Variants in SNX29 observed in about 807,000 individuals in gnomAD.
SNX29 encodes the protein sorting nexin-29.
In SNX29, 78 loss-of-function variants were observed where a neutral mutation model predicts 102.1. The observed-to-expected ratio is 0.76, with a 90% CI of 0.64 to 0.92. SNX29 has a LOEUF of 0.92. Ranked by LOEUF, SNX29 falls within the 40% of genes least tolerant of loss-of-function variation. The pLI is 0.00. For missense variants in SNX29, 1,280 were observed against 1,061.7 expected (o/e 1.21, Z -2.86); for synonymous variants, 580 against 414.5 (o/e 1.40, Z -4.85).
At chr16:12,210,443 C>T (rs892930327) in intron 14 of SNX29, among the ~76,000 whole-genome samples, 2 of 151,244 alleles carry the variant, frequency 1.3e-5, no homozygotes, top group Non-Finnish European at 2.9e-5. Flanking sequence ...TCCCTCCTGC[C>T]TCGGCCTCCT....
intron 11 of SNX29, among the ~76,000 whole-genome samples, chr16:12,085,944 T>C (rs1883122899): frequency 6.6e-6 from 1 of 151,960 alleles, no homozygotes; most frequent in East Asian, 1.9e-4. Flanking sequence ...TGTCTAGCTA[T>C]AGTAAGTGGT....
intron 16 of SNX29, among the ~76,000 whole-genome samples, chr16:12,365,797 C>T (rs1469501871): frequency 2.6e-5 from 4 of 151,636 alleles, no homozygotes; most frequent in Non-Finnish European, 5.9e-5. Context: ...AATCCCAGCA[C>T]TTTGGGAGGC....
chr16:12,407,152 A>T, intron 18 of SNX29, among the ~76,000 whole-genome samples: 1 of 139,422 alleles, frequency 7.2e-6, no homozygotes, highest in Non-Finnish European at 1.6e-5. Flanking sequence ...GAAAGGCCAC[A>T]TCCTGCGGGG....
intron 3 of SNX29, among the ~76,000 whole-genome samples, chr16:12,003,991 G>A (rs1211301654): frequency 3.9e-5 from 6 of 151,990 alleles, no homozygotes; most frequent in African/African-American, 1.2e-4. Context: ...AGCTGAGATC[G>A]CGCCACTGTA....
In SNX29 at chr16:12,547,974, G is replaced by A. The variant is rs1000528345; in HGVS notation, c.2319-20532G>A. Among the ~76,000 whole-genome samples the A allele has an allele frequency of 1.6e-4, 25 of 152,304 alleles. No homozygotes were observed. In the Middle Eastern group the frequency reaches 0.01, roughly 62 times the overall value. ...AAGGTGCTCAGTCTTTTGGGAGACAGCATGGCACAGGGGTCTCGAGTGAAC... is the reference window on the plus strand; with the variant it reads ...AAGGTGCTCAGTCTTTTGGGAGACAACATGGCACAGGGGTCTCGAGTGAAC... On this transcript the variant is annotated intron_variant, in intron 20 of 20. Transcript: ENST00000566228.
At position 12,569,364 on chromosome 16, in the gene SNX29, T is replaced by C. The variant is rs1001866341; in HGVS notation, c.*735T>C. ...ACCTAGGCCCTCGCCAGGCTTGGAG[T>C]GGGGGGACTCAGACATCTGGCCCAG... On this transcript the variant is annotated 3_prime_UTR_variant, in exon 21 of 21. Transcript: ENST00000566228. 1 of 229,986 alleles carries C rather than the reference T, an allele frequency of 4.3e-6. No homozygotes were observed. The highest frequency in any genetic ancestry group is 8.6e-6 in the Non-Finnish European group (1 of 116,224). 14.2% of individuals were successfully genotyped at this position (229,986 alleles called of 1,614,324 possible).
In SNX29 at chr16:12,403,529, G is replaced by C; in HGVS notation, c.2037G>C (p.Gln679His). ...GKAANAFHVY[Q>H]VYIRIKDDEW... is the part of the protein sequence containing the mutation. ...CAGCAAATGCATTCCACGTGTATCA[G>C]GTGAGTGCCTGGTTTTCAGGTGGAC... The change falls in exon 18 of 21, where the codon CAG becomes CAC. Residue 679 changes from glutamine (Q) to histidine (H), a missense_variant and splice_region_variant. Coordinates refer to ENST00000566228, the MANE Select transcript of SNX29 (RefSeq NM_032167.5). The C allele has an allele frequency of 1.9e-6, 3 of 1,602,960 alleles. No individual in the cohort carries two copies. Among genetic ancestry groups the C allele is most frequent in the Non-Finnish European group, 2.6e-6 (3 of 1,174,452 alleles).
rs114198942 is a variant in SNX29 at position 12,559,700 on chromosome 16, C to T, written c.2319-8806C>T. Among the ~76,000 whole-genome samples the T allele has an allele frequency of 6.8e-3, 1,033 of 152,210 alleles. 8 individuals carry two copies. Among genetic ancestry groups the T allele is most frequent in the African/African-American group, 0.023 (959 of 41,524 alleles). On this transcript the variant is annotated intron_variant, in intron 20 of 20. Transcript: ENST00000566228. ...TGGGGCAGTAACTTCTCGAGCTTCC[C>T]ATCTCCCATGGTGAGAACACCAAGA...
chr16:12,126,825 T>A, intron 12 of SNX29, 129 bp downstream of exon 12: 2 of 909,514 alleles, frequency 2.2e-6, no homozygotes, highest in Non-Finnish European at 3.5e-6. Flanking sequence ...TTTCTTATCG[T>A]CAGGGATATG....
chr16:12,198,716 G>C (rs1285528214), intron 13 of SNX29, among the ~76,000 whole-genome samples: 1 of 152,212 alleles, frequency 6.6e-6, no homozygotes, highest in African/African-American at 2.4e-5. Flanking sequence ...TTACCAGTGA[G>C]TTTTACTGGC....
At chr16:12,247,676 G>C (rs960779468) in intron 14 of SNX29, among the ~76,000 whole-genome samples, 1 of 152,190 alleles carries the variant, frequency 6.6e-6, no homozygotes, top group Non-Finnish European at 1.5e-5. Context: ...ATGTGGTTTA[G>C]TTTATTTTCA....
intron 11 of SNX29, among the ~76,000 whole-genome samples, chr16:12,102,435 C>G (rs1340831946): frequency 6.6e-6 from 1 of 152,200 alleles, no homozygotes; most frequent in African/African-American, 2.4e-5. Context: ...TCTGTTGTTT[C>G]CTGACTTTTT....
chr16:12,223,524 T>TG (rs1196481923), intron 14 of SNX29, among the ~76,000 whole-genome samples: 2 of 151,982 alleles, frequency 1.3e-5, no homozygotes, highest in Non-Finnish European at 2.9e-5. Context: ...TAGCAGGGCG[T>TG]GGGGGCATGT....
chr16:12,511,667 G>T (rs1232831135), intron 19 of SNX29, among the ~76,000 whole-genome samples: 4 of 152,140 alleles, frequency 2.6e-5, no homozygotes, highest in Admixed American at 2.6e-4. Context: ...CTAACATTTA[G>T]CAGTTTAATG....
intron 14 of SNX29, among the ~76,000 whole-genome samples, chr16:12,210,360 C>A (rs2077151243): frequency 6.7e-6 from 1 of 149,040 alleles, no homozygotes; most frequent in Non-Finnish European, 1.5e-5. Context: ...CAGGGTCTTG[C>A]TGTGTTGCCC....
At chr16:12,394,570 A>G (rs1033193092) in intron 16 of SNX29, among the ~76,000 whole-genome samples, 3 of 152,174 alleles carry the variant, frequency 2.0e-5, no homozygotes, top group Non-Finnish European at 4.4e-5. Flanking sequence ...CTTTTACGTC[A>G]TGTGGTGTCG....
chr16:12,017,597 T>C (rs1462806914), intron 3 of SNX29, among the ~76,000 whole-genome samples: 1 of 152,242 alleles, frequency 6.6e-6, no homozygotes, highest in African/African-American at 2.4e-5. Context: ...TTTCGAGTAC[T>C]GCATCTTATC....
chr16:12,552,732 A>G (rs2078060486), intron 20 of SNX29, among the ~76,000 whole-genome samples: 1 of 152,244 alleles, frequency 6.6e-6, no homozygotes, highest in Non-Finnish European at 1.5e-5. Flanking sequence ...GAGACATGGT[A>G]TCTCCAGTGA....
chr16:12,446,286 C>T (rs943692628), intron 18 of SNX29, among the ~76,000 whole-genome samples: 4 of 152,266 alleles, frequency 2.6e-5, no homozygotes, highest in Non-Finnish European at 4.4e-5. Flanking sequence ...GAACTCCTGA[C>T]CTCAAGTGAT....
Sources: gnomAD v4.1 joint callset for allele counts (sites outside exome capture counted in the v4.1 genomes callset) on GRCh38, gnomAD v4.1.1 for gene constraint, MANE v1.5 for transcripts, NCBI Gene and HGNC (gene_info 2026-07-23, HGNC 2026-07-21) for gene names.